Variants in ATP2C1 observed in about 807,000 individuals in gnomAD.
ATP2C1 encodes the protein ATPase secretory pathway Ca2+ transporting 1, also known as calcium-transporting ATPase type 2C member 1.
A neutral mutation model predicts 120.5 loss-of-function variants in ATP2C1; 31 were observed. The observed-to-expected ratio is 0.26, with a 90% confidence interval of 0.19 to 0.35. ATP2C1 has a LOEUF of 0.35. Among genes scored for constraint, ATP2C1 ranks in the 10% least tolerant of loss-of-function variants. The probability of loss-of-function intolerance (pLI) is 1.00; values close to 1 mark genes in which losing one functional copy is unlikely to be tolerated. For synonymous variants in ATP2C1, 351 were observed against 358.7 expected (o/e 0.98, Z 0.24); for missense variants, 731 against 1,107.5 (o/e 0.66, Z 4.83).
At chr3:130,883,267 C>T (rs2068843501) in intron 1 of ATP2C1, among the ~76,000 whole-genome samples, 1 of 151,724 alleles carries the variant, frequency 6.6e-6, no homozygotes, top group Admixed American at 6.6e-5. Flanking sequence ...AATGGTTTGT[C>T]AGTTTTGTTC....
At chr3:131,005,220 A>T (rs1396992320), downstream of ATP2C1, among the ~76,000 whole-genome samples, 1 of 147,688 alleles carries the variant, frequency 6.8e-6, no homozygotes, top group African/African-American at 2.5e-5. Flanking sequence ...GGATCAAGCG[A>T]TCCTCCCACC....
intron 2 of ATP2C1, among the ~76,000 whole-genome samples, chr3:130,916,196 A>G (rs1195561470): frequency 6.6e-6 from 1 of 151,140 alleles, no homozygotes; most frequent in African/African-American, 2.4e-5. Context: ...GCCTGAGCTT[A>G]GGAGTTTGAG....
In ATP2C1 at chr3:130,940,674, G is replaced by T. The variant is rs757073707; in HGVS notation, c.405G>T (p.Val135=). 1 of 1,612,506 alleles carries T rather than the reference G, an allele frequency of 6.2e-7. No individual in the cohort carries two copies. The highest frequency in any genetic ancestry group is 1.1e-5 in the South Asian group (1 of 91,050). The change falls in exon 7 of 28, where the codon GTG becomes GTT. Residue 135 remains valine, a synonymous_variant. Coordinates refer to ENST00000510168, the MANE Select transcript of ATP2C1 (RefSeq NM_001378687.1). ...EKSLEELSKL[V]PPECHCVREG... Reference sequence around the variant, plus strand: ...CTCTTGAAGAATTGAGTAAACTTGTGCCACCAGAATGCCATTGGTATGATC... The same window carrying T: ...CTCTTGAAGAATTGAGTAAACTTGTTCCACCAGAATGCCATTGGTATGATC...
chr3:131,002,895 A>G lies in ATP2C1; in HGVS notation c.*1545A>G, dbSNP rs372789446. The G allele has an allele frequency of 5.1e-4, 502 of 985,794 alleles. No individual in the cohort carries two copies. The African/African-American group carries it at 8.1e-3, about 16-fold the overall frequency. 61.1% of individuals were successfully genotyped at this position (985,794 alleles called of 1,614,324 possible). ...TTAACCCTTTAAGGCTGAATTGTCA[A>G]ATGTACATTGTTCCATGTCGTTAGA... On this transcript the variant is annotated 3_prime_UTR_variant, in exon 28 of 28. Transcript: ENST00000510168.
intron 8 of ATP2C1, among the ~76,000 whole-genome samples, chr3:130,946,914 A>G (rs2060176744): frequency 6.6e-6 from 1 of 152,246 alleles, no homozygotes; most frequent in African/African-American, 2.4e-5. Context: ...AAAACCATGT[A>G]CAGCACATTG....
intron 16 of ATP2C1, among the ~76,000 whole-genome samples, chr3:130,968,594 AT>A (rs1435754262): frequency 1.3e-5 from 2 of 152,188 alleles, no homozygotes; most frequent in Non-Finnish European, 2.9e-5. Flanking sequence ...ACTGGATGAA[AT>A]GAAACGTATT....
At chr3:130,855,993 G>C (rs912800556) in intron 1 of ATP2C1, 1 of 151,526 alleles carries the variant, frequency 6.6e-6, no homozygotes, top group Non-Finnish European at 1.5e-5. Context: ...TTTTTTTCCT[G>C]ATTGAGAAAT....
intron 1 of ATP2C1, among the ~76,000 whole-genome samples, chr3:130,867,273 T>A (rs2068209460): frequency 6.6e-6 from 1 of 151,976 alleles, no homozygotes; most frequent in African/African-American, 2.4e-5. Flanking sequence ...TTCCTCTCTT[T>A]AAATCAAAAA....
rs7639817 is a variant in ATP2C1 at position 130,901,948 on chromosome 3, A to G, written c.6+7173A>G. On this transcript the variant is annotated intron_variant, in intron 2 of 27. Transcript: ENST00000510168. ...TACTGGCATCCAGTGTGTAGAGACCAGGGATGCTGGTAAGCATGCTACAAT... is the reference window on the plus strand; with the variant it reads ...TACTGGCATCCAGTGTGTAGAGACCGGGGATGCTGGTAAGCATGCTACAAT... Among the ~76,000 whole-genome samples the G allele has an allele frequency of 7.5e-3, 1,143 of 152,016 alleles. 16 individuals carry two copies. The highest frequency in any genetic ancestry group is 0.026 in the African/African-American group (1,088 of 41,462).
chr3:130,998,289 G>A lies in ATP2C1; in HGVS notation c.2392-5G>A. Reference sequence around the variant, plus strand: ...AAAAGTAATTTTGTTATTGCCTCTTGACAGCTACGAGACAATGTGATTACA... The same window carrying A: ...AAAAGTAATTTTGTTATTGCCTCTTAACAGCTACGAGACAATGTGATTACA... On this transcript the variant is annotated splice_polypyrimidine_tract_variant and splice_region_variant and intron_variant, in intron 25 of 27. Transcript: ENST00000510168. 1 of 1,596,790 alleles carries A rather than the reference G, an allele frequency of 6.3e-7. No homozygotes were observed. Among genetic ancestry groups the A allele is most frequent in the South Asian group, 1.1e-5 (1 of 90,716 alleles).
chr3:130,958,002 G>A (rs769912029), intron 11 of ATP2C1, among the ~76,000 whole-genome samples: 1 of 152,020 alleles, frequency 6.6e-6, no homozygotes, highest in African/African-American at 2.4e-5. Context: ...AACTTCTTCC[G>A]TTTGATTATT....
chr3:130,860,965 A>G (rs564629858), intron 1 of ATP2C1, among the ~76,000 whole-genome samples: 4 of 152,348 alleles, frequency 2.6e-5, no homozygotes, highest in African/African-American at 9.6e-5. Flanking sequence ...GAAAAAGAAT[A>G]TAAAATCTGT....
At chr3:130,850,971 G>T (rs770269596) in intron 1 of ATP2C1, 2 of 1,089,588 alleles carry the variant, frequency 1.8e-6, no homozygotes, top group Non-Finnish European at 1.2e-6. Context: ...ACGGGTGCTT[G>T]TTCCTTGTTG....
At chr3:130,948,473 G>T (rs2060239840) in intron 8 of ATP2C1, among the ~76,000 whole-genome samples, 1 of 151,906 alleles carries the variant, frequency 6.6e-6, no homozygotes, top group South Asian at 2.1e-4. Flanking sequence ...TCAAGATTCT[G>T]TCTTTATCTT....
intron 4 of ATP2C1, among the ~76,000 whole-genome samples, chr3:130,933,975 C>A (rs905775378): frequency 3.9e-5 from 6 of 152,154 alleles, no homozygotes; most frequent in Non-Finnish European, 8.8e-5. Context: ...ATTCTAACAT[C>A]AGAGTTTCAA....
At chr3:130,968,509 C>G (rs958972201) in intron 16 of ATP2C1, among the ~76,000 whole-genome samples, 5 of 152,020 alleles carry the variant, frequency 3.3e-5, no homozygotes, top group African/African-American at 1.2e-4. Context: ...ATGAGATAAG[C>G]TAGGGAATGA....
chr3:130,919,953 G>A (rs1424597387), intron 2 of ATP2C1, among the ~76,000 whole-genome samples: 6 of 152,156 alleles, frequency 3.9e-5, no homozygotes, highest in Admixed American at 6.5e-5. Context: ...TTAATGATGA[G>A]CATCTTTTCA....
downstream of ATP2C1, chr3:131,003,185 A>C: frequency 1.0e-6 from 1 of 975,354 alleles, no homozygotes; most frequent in Non-Finnish European, 1.2e-6. Flanking sequence ...CATTAAAATT[A>C]TCCATATGGA....
intron 7 of ATP2C1, among the ~76,000 whole-genome samples, chr3:130,941,268 G>GTC (rs2059904148): frequency 6.7e-6 from 1 of 149,946 alleles, no homozygotes. Context: ...GTGTGTGTCT[G>GTC]TGTGTGTGCG....
Sources: allele counts gnomAD v4.1 joint callset (sites outside exome capture counted in the v4.1 genomes callset), GRCh38; gene constraint gnomAD v4.1.1; transcripts MANE v1.5; gene names NCBI Gene and HGNC (gene_info 2026-07-23, HGNC 2026-07-21).